The following SLC30A8 variants were observed in gnomAD, a reference collection of about 807,000 sequenced individuals.
SLC30A8 encodes the protein solute carrier family 30 member 8, also known as proton-coupled zinc antiporter SLC30A8.
A neutral mutation model predicts 36.9 loss-of-function variants in SLC30A8; 27 were observed. That is an observed-to-expected ratio of 0.73 (90% CI 0.54 to 1.01). SLC30A8 has a LOEUF of 1.01. Among genes scored for constraint, SLC30A8 ranks in the 50% least tolerant of loss-of-function variants. SLC30A8 has a pLI of 0.00. For synonymous variants in SLC30A8, 164 were observed against 172.4 expected, an observed-to-expected ratio of 0.95 and a Z score of 0.38; for missense variants, 439 against 452.0, an observed-to-expected ratio of 0.97 and a Z score of 0.26.
At chr8:116,989,287 G>A (rs140606190) in intron 1 of SLC30A8, among the ~76,000 whole-genome samples, 1 of 152,252 alleles carries the variant, frequency 6.6e-6, no homozygotes, top group Non-Finnish European at 1.5e-5. Flanking sequence ...GTGATGTTAG[G>A]TGTCTATTTA....
At chr8:117,050,194 C>T (rs1817667305) in intron 2 of SLC30A8, among the ~76,000 whole-genome samples, 1 of 152,086 alleles carries the variant, frequency 6.6e-6, no homozygotes, top group South Asian at 2.1e-4. Flanking sequence ...GAGTCTGTGG[C>T]CCGGCTCTGC....
intron 2 of SLC30A8, among the ~76,000 whole-genome samples, chr8:117,111,529 C>A (rs1318927721): frequency 6.6e-6 from 1 of 152,152 alleles, no homozygotes. Flanking sequence ...AGTACCCAAC[C>A]AGGCCTGGCT....
chr8:117,043,281 A>G (rs1240781117), intron 2 of SLC30A8, among the ~76,000 whole-genome samples: 1 of 152,234 alleles, frequency 6.6e-6, no homozygotes, highest in African/African-American at 2.4e-5. Context: ...AGGACATTGG[A>G]TCCAGACCCT....
At chr8:117,125,578 A>G (rs1820870196) in intron 2 of SLC30A8, among the ~76,000 whole-genome samples, 1 of 152,018 alleles carries the variant, frequency 6.6e-6, no homozygotes, top group African/African-American at 2.4e-5. Flanking sequence ...CAGTGTGGCT[A>G]GGATGCTTGG....
At chr8:117,084,991 A>AT (rs902995612) in intron 2 of SLC30A8, among the ~76,000 whole-genome samples, 33 of 151,654 alleles carry the variant, frequency 2.2e-4, no homozygotes, top group Admixed American at 4.6e-4. Context: ...AAAGAGATTG[A>AT]TTTTTTTTTA....
intron 1 of SLC30A8, among the ~76,000 whole-genome samples, chr8:116,973,578 A>G (rs958775212): frequency 2.6e-5 from 4 of 152,214 alleles, no homozygotes; most frequent in South Asian, 2.1e-4. Flanking sequence ...GCTCATGGGT[A>G]GGAAGAATCA....
chr8:116,971,073 C>T (rs989143884), intron 1 of SLC30A8, among the ~76,000 whole-genome samples: 26 of 151,904 alleles, frequency 1.7e-4, no homozygotes, highest in Admixed American at 5.2e-4. Flanking sequence ...CTAGCCTGGG[C>T]GAAGAGTGAG....
chr8:116,965,177 A>G (rs1814556204), intron 1 of SLC30A8, among the ~76,000 whole-genome samples: 1 of 152,194 alleles, frequency 6.6e-6, no homozygotes. Flanking sequence ...ACCTGAGATG[A>G]TCCACCCGCC....
At chr8:117,170,997 T>C (rs955067663) in intron 6 of SLC30A8, 37 bp from the exon 7 acceptor site, 1 of 1,535,664 alleles carries the variant, frequency 6.5e-7, no homozygotes, top group African/African-American at 1.4e-5. Flanking sequence ...TGTATCTAGT[T>C]GAATAACTAC....
intron 1 of SLC30A8, among the ~76,000 whole-genome samples, chr8:116,973,876 A>G (rs1372971297): frequency 6.6e-6 from 1 of 152,234 alleles, no homozygotes; most frequent in Non-Finnish European, 1.5e-5. Flanking sequence ...GCTCTCAGAA[A>G]TAATACCACA....
chr8:117,054,025 A>G (rs1335469345), intron 2 of SLC30A8, among the ~76,000 whole-genome samples: 1 of 152,012 alleles, frequency 6.6e-6, no homozygotes, highest in Non-Finnish European at 1.5e-5. Context: ...GATTCATTAC[A>G]GATATGTGAG....
intron 1 of SLC30A8, among the ~76,000 whole-genome samples, chr8:117,142,773 C>T (rs550596223): frequency 6.6e-6 from 1 of 151,574 alleles, no homozygotes; most frequent in Admixed American, 6.6e-5. Flanking sequence ...CTTGCCTTCT[C>T]ACCATTCATC....
intron 2 of SLC30A8, among the ~76,000 whole-genome samples, chr8:117,069,246 A>C (rs967665574): frequency 1.3e-5 from 2 of 152,244 alleles, no homozygotes; most frequent in African/African-American, 4.8e-5. Context: ...AGGATAAAAA[A>C]GAAAACAAAA....
At chr8:117,037,035 T>C (rs1817236361) in intron 1 of SLC30A8, among the ~76,000 whole-genome samples, 1 of 152,220 alleles carries the variant, frequency 6.6e-6, no homozygotes, top group Non-Finnish European at 1.5e-5. Context: ...TTAAATTTTT[T>C]TTCATGTTAG....
chr8:116,969,509 G>A (rs1041364106), intron 1 of SLC30A8, among the ~76,000 whole-genome samples: 3 of 152,140 alleles, frequency 2.0e-5, no homozygotes, highest in African/African-American at 7.2e-5. Flanking sequence ...TTATCTATAT[G>A]TACAGGCATG....
chr8:117,022,477 G>T (rs1816731646), intron 1 of SLC30A8, among the ~76,000 whole-genome samples: 1 of 152,218 alleles, frequency 6.6e-6, no homozygotes, highest in Non-Finnish European at 1.5e-5. Context: ...ATCACTACTG[G>T]ATTCAATGAT....
Position 116,978,924 on chromosome 8 carries a change from CTTTTTTTCTTTT to C in SLC30A8, c.-266+27812_-266+27823del, listed in dbSNP as rs984146987. Reference sequence around the variant, plus strand: ...AGGGCTGTATCTTTTTTTTTTCTTTCTTTTTTTCTTTTTTTTTTAAATCATAAGGAGGCCGGG... The same window carrying C: ...AGGGCTGTATCTTTTTTTTTTCTTTCTTTTTTAAATCATAAGGAGGCCGGG... On this transcript the variant is annotated intron_variant, in intron 1 of 10. Coordinates refer to the SLC30A8 transcript ENST00000427715. Among the ~76,000 whole-genome samples the C allele has an allele frequency of 3.3e-5, 5 of 149,828 alleles. No homozygotes were observed. The South Asian group carries it at 1.0e-3, about 31-fold the overall frequency.
chr8:117,044,509 A>G (rs1211464291), intron 2 of SLC30A8, among the ~76,000 whole-genome samples: 1 of 152,166 alleles, frequency 6.6e-6, no homozygotes, highest in East Asian at 1.9e-4. Flanking sequence ...CTGGGTTTGG[A>G]GGAGAAAGCC....
At chr8:116,993,232 G>A (rs551860153) in intron 1 of SLC30A8, among the ~76,000 whole-genome samples, 6 of 151,258 alleles carry the variant, frequency 4.0e-5, no homozygotes, top group African/African-American at 1.5e-4. Context: ...TTGGAGTTGG[G>A]ATCCAGGCAA....
Sources: gnomAD v4.1 joint callset for allele counts (sites outside exome capture counted in the v4.1 genomes callset) on GRCh38, gnomAD v4.1.1 for gene constraint, MANE v1.5 for transcripts, NCBI Gene and HGNC (gene_info 2026-07-23, HGNC 2026-07-21) for gene names.